The following DENND4A variants were observed in gnomAD, a reference collection of about 807,000 sequenced individuals.
DENND4A encodes the protein DENN domain containing 4A.
A neutral mutation model predicts 199.3 loss-of-function variants in DENND4A; 70 were observed. The observed-to-expected ratio is 0.35, with a 90% CI of 0.29 to 0.43. DENND4A has a LOEUF of 0.43. Ranked by LOEUF, DENND4A falls within the 20% of genes least tolerant of loss-of-function variation. DENND4A has a pLI of 1.00. For missense variants in DENND4A, 1,723 were observed against 2,255.8 expected, an observed-to-expected ratio of 0.76 and a Z score of 4.78; for synonymous variants, 686 against 766.9, an observed-to-expected ratio of 0.89 and a Z score of 1.74.
At chr15:65,676,162 A>T (rs1018377633) in intron 24 of DENND4A, among the ~76,000 whole-genome samples, 15 of 146,548 alleles carry the variant, frequency 1.0e-4, no homozygotes, top group African/African-American at 3.7e-4. Flanking sequence ...ATATATATAT[A>T]TATACCTATA....
intron 25 of DENND4A, among the ~76,000 whole-genome samples, chr15:65,670,409 AT>A (rs1004820460): frequency 4.6e-5 from 7 of 152,120 alleles, no homozygotes; most frequent in Non-Finnish European, 7.4e-5. Context: ...TTAAGTGAGG[AT>A]TTTTTTCATT....
chr15:65,731,375 C>T, intron 9 of DENND4A: 1 of 495,400 alleles, frequency 2.0e-6, no homozygotes, highest in Non-Finnish European at 3.9e-6. Flanking sequence ...TTCTCATCAT[C>T]TACATACATA....
At chr15:65,663,198 A>ATTTTT (rs139708249) in intron 32 of DENND4A, among the ~76,000 whole-genome samples, 8 of 112,344 alleles carry the variant, frequency 7.1e-5, no homozygotes, top group African/African-American at 2.6e-4. Flanking sequence ...ATATATATAT[A>ATTTTT]TTTTTTTTTT....
chr15:65,765,044 T>C (rs576567350), intron 1 of DENND4A, among the ~76,000 whole-genome samples: 13 of 151,562 alleles, frequency 8.6e-5, no homozygotes, highest in African/African-American at 2.7e-4. Flanking sequence ...TAATATCAAA[T>C]ATTTCCATTC....
Position 65,729,514 on chromosome 15 carries a change from T to A in DENND4A, c.1311+20A>T. 1.3e-6 allele frequency: 2 copies of A among 1,594,064 alleles called. No individual in the cohort carries two copies. The highest frequency in any genetic ancestry group is 1.7e-6 in the Non-Finnish European group (2 of 1,172,098). ...AAGTTTAAACTAAATTGACTGCCAA[T>A]AAGAAACTGTGATACTCACAGACAC... On this transcript the variant is annotated intron_variant, in intron 10 of 32. Transcript: ENST00000443035.
chr15:65,779,876 G>A (rs1490740911), intron 1 of DENND4A, among the ~76,000 whole-genome samples: 5 of 151,960 alleles, frequency 3.3e-5, no homozygotes, highest in Admixed American at 6.6e-5. Context: ...GATTACAGGC[G>A]TGAGCCACAG....
At chr15:65,779,455 A>G (rs2077378670) in intron 1 of DENND4A, among the ~76,000 whole-genome samples, 1 of 151,812 alleles carries the variant, frequency 6.6e-6, no homozygotes, top group Admixed American at 6.6e-5. Context: ...CTCAAAAAAA[A>G]AAAAAAAAGA....
chr15:65,696,382 T>C lies in DENND4A; in HGVS notation c.3066A>G (p.Ile1022Met). The C allele has an allele frequency of 6.2e-7, 1 of 1,612,276 alleles. No individual in the cohort carries two copies. The highest frequency in any genetic ancestry group is 8.5e-7 in the Non-Finnish European group (1 of 1,178,750). ...TCAACTTACCCATGCTTTCTCCTGA[T>C]ATTTTACCAGCACTGTTGTTACTTG... Reference protein sequence around the residue: ...TGTSNNSAGKISGESMESTPE... With the variant: ...TGTSNNSAGKMSGESMESTPE... The change falls in exon 22 of 33, where the codon ATA becomes ATG. Residue 1022 changes from isoleucine to methionine, a missense_variant. Coordinates refer to ENST00000443035, the MANE Select transcript of DENND4A (RefSeq NM_001320835.1).
intron 14 of DENND4A, among the ~76,000 whole-genome samples, chr15:65,710,195 T>C (rs1002249592): frequency 9.9e-5 from 15 of 152,214 alleles, no homozygotes; most frequent in Non-Finnish European, 1.8e-4. Context: ...TTAATATTTC[T>C]TTAAATCATG....
intron 14 of DENND4A, among the ~76,000 whole-genome samples, chr15:65,706,777 A>T (rs2075076627): frequency 6.6e-6 from 1 of 152,218 alleles, no homozygotes; most frequent in African/African-American, 2.4e-5. Flanking sequence ...TACAGGCGTG[A>T]GCCACAGCGC....
At chr15:65,773,610 T>C (rs755330937) in intron 1 of DENND4A, among the ~76,000 whole-genome samples, 1 of 152,218 alleles carries the variant, frequency 6.6e-6, no homozygotes, top group African/African-American at 2.4e-5. Context: ...TTACTCATCA[T>C]TTCCTTCCTG....
intron 12 of DENND4A, among the ~76,000 whole-genome samples, chr15:65,722,074 A>G (rs191829276): frequency 4.4e-4 from 67 of 152,374 alleles, no homozygotes; most frequent in African/African-American, 1.2e-3. Context: ...AGATAAGCAC[A>G]GCATTAAGAT....
chr15:65,741,415 T>TGG (rs2076258028), intron 5 of DENND4A, among the ~76,000 whole-genome samples: 1 of 152,228 alleles, frequency 6.6e-6, no homozygotes, highest in Non-Finnish European at 1.5e-5. Context: ...TAAAGAAATA[T>TGG]TAATTTAAAA....
intron 2 of DENND4A, among the ~76,000 whole-genome samples, chr15:65,757,747 C>A (rs1416123433): frequency 1.3e-5 from 2 of 152,112 alleles, no homozygotes; most frequent in African/African-American, 4.8e-5. Context: ...TTTTGGGAGG[C>A]CGAGGAGGGC....
chr15:65,711,482 G>A (rs915213657), intron 14 of DENND4A, among the ~76,000 whole-genome samples: 10 of 152,100 alleles, frequency 6.6e-5, no homozygotes, highest in African/African-American at 2.4e-4. Flanking sequence ...GACAGAGAGA[G>A]GCCCTGCCTC....
rs371215745 is a variant in DENND4A at position 65,738,751 on chromosome 15, C to G, written c.756G>C (p.Leu252=). 4.7e-5 allele frequency: 76 copies of G among 1,612,150 alleles called. No individual in the cohort carries two copies. Among genetic ancestry groups the G allele is most frequent in the Non-Finnish European group, 6.4e-5 (75 of 1,179,090 alleles). Residue 252 remains leucine, a synonymous_variant, in exon 6 of 33, where the codon CTG becomes CTC. Transcript: ENST00000443035. ...TTAAAACAAAAGTAGAAAATACAGGCAGAGGGTATTTGCTATTTGATGGCC... is the reference window on the plus strand; with the variant it reads ...TTAAAACAAAAGTAGAAAATACAGGGAGAGGGTATTTGCTATTTGATGGCC... ...ECWPSNSKYP[L]PVFSTFVLTG... is the part of the protein sequence containing the mutation.
Position 65,756,274 on chromosome 15 carries a change from G to A in DENND4A, c.177C>T (p.Val59=). ...CATCAATACAGATATAATCCTGTGGGACTTCCTCCCCAAGAGATTTGATAA... is the reference window on the plus strand; with the variant it reads ...CATCAATACAGATATAATCCTGTGGAACTTCCTCCCCAAGAGATTTGATAA... ...SVIIKSLGEE[V]PQDYICIDVT... is the part of the protein sequence containing the mutation. The change falls in exon 3 of 33, where the codon GTC becomes GTT. Residue 59 remains valine (V), a synonymous_variant. Transcript: ENST00000443035. 11 of 1,613,224 alleles carry A rather than the reference G, an allele frequency of 6.8e-6. No individual in the cohort carries two copies. Among genetic ancestry groups the A allele is most frequent in the Non-Finnish European group, 9.3e-6 (11 of 1,179,540 alleles).
intron 29 of DENND4A, among the ~76,000 whole-genome samples, chr15:65,666,532 T>A (rs993214026): frequency 5.9e-5 from 9 of 152,176 alleles, no homozygotes; most frequent in Non-Finnish European, 8.8e-5. Context: ...CACTTAATAT[T>A]TTGAGACCAC....
intron 1 of DENND4A, among the ~76,000 whole-genome samples, chr15:65,763,679 C>CAAAAA (rs11357605): frequency 2.3e-5 from 2 of 87,574 alleles, no homozygotes; most frequent in Non-Finnish European, 4.5e-5. Flanking sequence ...GACCTTGTCT[C>CAAAAA]AAAAAAAAAA....
Sources: allele counts gnomAD v4.1 joint callset (sites outside exome capture counted in the v4.1 genomes callset), GRCh38; gene constraint gnomAD v4.1.1; transcripts MANE v1.5; gene names NCBI Gene and HGNC (gene_info 2026-07-23, HGNC 2026-07-21).